Variants in CCSER1 observed in about 807,000 individuals in gnomAD.
CCSER1 encodes serine-rich coiled-coil domain-containing protein 1.
Under a neutral mutation model 82.0 loss-of-function variants are expected in CCSER1, and 41 were observed. The observed-to-expected ratio is 0.50, with a 90% CI of 0.39 to 0.65. The LOEUF is 0.65. CCSER1 is among the 30% of genes least tolerant of loss of function. The pLI is 0.00. For synonymous variants in CCSER1, 414 were observed against 383.9 expected, an observed-to-expected ratio of 1.08 and a Z score of -0.92; for missense variants, 1,119 against 1,064.2, an observed-to-expected ratio of 1.05 and a Z score of -0.72.
intron 5 of CCSER1, among the ~76,000 whole-genome samples, chr4:90,487,349 T>A (rs1767269284): frequency 6.6e-6 from 1 of 152,206 alleles, no homozygotes; most frequent in Admixed American, 6.5e-5. Context: ...GCACAGAAGG[T>A]CATCTCATTA....
chr4:90,542,615 G>T (rs1404077433), intron 5 of CCSER1, among the ~76,000 whole-genome samples: 3 of 152,166 alleles, frequency 2.0e-5, no homozygotes, highest in South Asian at 4.1e-4. Flanking sequence ...AGATAAAAAA[G>T]AGGAAAAGCT....
intron 10 of CCSER1, among the ~76,000 whole-genome samples, chr4:91,097,097 T>A (rs988518435): frequency 3.3e-5 from 5 of 152,208 alleles, no homozygotes; most frequent in Non-Finnish European, 1.5e-5. Flanking sequence ...CACAGTTTTT[T>A]AATGGCGGAT....
At chr4:91,296,948 T>C (rs967637479) in intron 10 of CCSER1, among the ~76,000 whole-genome samples, 21 of 151,854 alleles carry the variant, frequency 1.4e-4, no homozygotes, top group Admixed American at 3.3e-4. Flanking sequence ...TTTTAAAAAA[T>C]ACATCAAAAT....
intron 1 of CCSER1, among the ~76,000 whole-genome samples, chr4:90,291,658 A>G (rs1414161910): frequency 6.6e-6 from 1 of 152,064 alleles, no homozygotes; most frequent in Non-Finnish European, 1.5e-5. Flanking sequence ...AAGGAAAGAA[A>G]TGAGCTAAAT....
intron 10 of CCSER1, among the ~76,000 whole-genome samples, chr4:91,310,967 C>T (rs903320636): frequency 1.3e-5 from 2 of 151,806 alleles, no homozygotes; most frequent in Admixed American, 1.3e-4. Context: ...CTGGTCTAAT[C>T]CATTATCATC....
At chr4:90,394,810 TTC>T (rs144140307) in intron 3 of CCSER1, among the ~76,000 whole-genome samples, 1,920 of 152,312 alleles carry the variant, frequency 0.013, 31 homozygotes, top group African/African-American at 0.043. Context: ...AAAATAAAAA[TTC>T]TGTTTTATGG....
chr4:90,704,331 G>T (rs575244301), intron 6 of CCSER1, among the ~76,000 whole-genome samples: 1 of 152,286 alleles, frequency 6.6e-6, no homozygotes, highest in Non-Finnish European at 1.5e-5. Flanking sequence ...TAGAGTTTCT[G>T]CCGAGATATC....
In CCSER1 at chr4:91,091,996, T is replaced by C. The variant is rs1353887865; in HGVS notation, c.2217+6002T>C. 2.6e-5 allele frequency among the ~76,000 whole-genome samples: 4 copies of C among 152,286 alleles called. 1 individual carries two copies. Among genetic ancestry groups the C allele is most frequent in the Admixed American group, 2.6e-4 (4 of 15,296 alleles). ...GGAGTACCTGGAAGTCCTCGCGGTA[T>C]AGGAGGAGGCCTATGATATAATGTT... On this transcript the variant is annotated intron_variant, in intron 10 of 10. Coordinates refer to ENST00000509176, the MANE Select transcript of CCSER1 (RefSeq NM_001145065.2).
chr4:90,811,909 A>G (rs1758354057), intron 7 of CCSER1, among the ~76,000 whole-genome samples: 1 of 52,862 alleles, frequency 1.9e-5, no homozygotes, highest in East Asian at 5.3e-4. Context: ...GAATATATAT[A>G]TACACACACA....
rs146912002 is a variant in CCSER1 at position 90,250,827 on chromosome 4, G to A, written c.-41-57417G>A. On this transcript the variant is annotated intron_variant, in intron 1 of 10. Transcript: ENST00000509176. The stretch of plus-strand genomic sequence containing the variant: ...ATTTGTCATCTTTGTAATAACACGT[G>A]TTCTAATCAATGACCATCAAATGTC... 3.8e-3 allele frequency among the ~76,000 whole-genome samples: 574 copies of A among 152,100 alleles called. 2 individuals are homozygous for A. The highest frequency in any genetic ancestry group is 5.4e-3 in the Non-Finnish European group (364 of 67,886).
chr4:90,533,381 C>T (rs575532109), intron 5 of CCSER1, among the ~76,000 whole-genome samples: 69 of 152,286 alleles, frequency 4.5e-4, no homozygotes, highest in Admixed American at 8.5e-4. Flanking sequence ...AGGCGTGAGC[C>T]ACTGCTCCTG....
chr4:91,553,399 A>G (rs1762253174), intron 10 of CCSER1, among the ~76,000 whole-genome samples: 1 of 151,640 alleles, frequency 6.6e-6, no homozygotes, highest in Admixed American at 6.6e-5. Context: ...TATCAGGGTC[A>G]TTCTGGCCTC....
intron 10 of CCSER1, among the ~76,000 whole-genome samples, chr4:91,217,032 G>T (rs955876865): frequency 6.6e-6 from 1 of 152,102 alleles, no homozygotes; most frequent in Non-Finnish European, 1.5e-5. Flanking sequence ...TTAAGGTGGC[G>T]CGTCGCGAGT....
intron 8 of CCSER1, among the ~76,000 whole-genome samples, chr4:90,892,005 T>A (rs1723029275): frequency 6.6e-6 from 1 of 152,122 alleles, no homozygotes. Flanking sequence ...AAGAAAATTC[T>A]CTTCCCCACC....
At chr4:90,870,555 G>T (rs28846476) in intron 8 of CCSER1, among the ~76,000 whole-genome samples, 10,212 of 151,710 alleles carry the variant, frequency 0.067, 359 homozygotes, top group Admixed American at 0.11. Flanking sequence ...CATGATGAAT[G>T]ATCTTTTTAA....
At chr4:90,597,786 TCTC>T (rs2148729107) in intron 5 of CCSER1, among the ~76,000 whole-genome samples, 1 of 152,152 alleles carries the variant, frequency 6.6e-6, no homozygotes, top group East Asian at 1.9e-4. Context: ...TTGACCTAAA[TCTC>T]CTCATTTTCT....
intron 9 of CCSER1, among the ~76,000 whole-genome samples, chr4:91,075,307 T>C (rs1043362656): frequency 2.0e-5 from 3 of 152,130 alleles, no homozygotes; most frequent in Admixed American, 2.0e-4. Flanking sequence ...ATTTTGGTTT[T>C]GTCTCATGTG....
intron 10 of CCSER1, among the ~76,000 whole-genome samples, chr4:91,135,829 C>T (rs769260189): frequency 1.5e-4 from 23 of 152,204 alleles, no homozygotes; most frequent in South Asian, 2.1e-4. Context: ...TTCACAACTT[C>T]GCTATAAGTT....
chr4:91,217,341 T>C (rs1206630938), intron 10 of CCSER1, among the ~76,000 whole-genome samples: 3 of 152,158 alleles, frequency 2.0e-5, no homozygotes, highest in Non-Finnish European at 4.4e-5. Flanking sequence ...AGGGCGCTGA[T>C]TGGTGCGTTT....
Sources: gnomAD v4.1 joint callset for allele counts (sites outside exome capture counted in the v4.1 genomes callset) on GRCh38, gnomAD v4.1.1 for gene constraint, MANE v1.5 for transcripts, NCBI Gene and HGNC (gene_info 2026-07-23, HGNC 2026-07-21) for gene names.